The following NAV2 variants were observed in gnomAD, a reference collection of about 807,000 sequenced individuals.
NAV2 encodes the protein helicase, APC down-regulated 1.
NAV2 carries 54 observed loss-of-function variants against 223.2 expected under a neutral mutation model. That is an observed-to-expected ratio of 0.24 (90% confidence interval 0.19 to 0.30). The LOEUF is 0.30. NAV2 is among the 10% of genes least tolerant of loss of function. The pLI is 1.00. For synonymous variants in NAV2, 1,279 were observed against 1,239.3 expected, an observed-to-expected ratio of 1.03 and a Z score of -0.67; for missense variants, 2,806 against 3,147.5, an observed-to-expected ratio of 0.89 and a Z score of 2.60.
chr11:19,888,852 T>A (rs137862212), intron 5 of NAV2, among the ~76,000 whole-genome samples: 23 of 152,310 alleles, frequency 1.5e-4, no homozygotes, highest in African/African-American at 5.3e-4. Flanking sequence ...TGGGGTCTTT[T>A]ACACACTACC....
intron 1 of NAV2, among the ~76,000 whole-genome samples, chr11:19,368,897 C>T (rs961309004): frequency 4.6e-5 from 7 of 152,168 alleles, no homozygotes; most frequent in African/African-American, 1.7e-4. Context: ...CTCAGATTAA[C>T]GTTCAAGTCC....
At chr11:19,746,182 T>G (rs1267980722) in intron 1 of NAV2, among the ~76,000 whole-genome samples, 2 of 152,202 alleles carry the variant, frequency 1.3e-5, no homozygotes, top group Admixed American at 1.3e-4. Flanking sequence ...AGTTAGGTTC[T>G]GCTGGATCTC....
intron 11 of NAV2, among the ~76,000 whole-genome samples, chr11:20,013,128 A>C (rs564464350): frequency 2.0e-5 from 3 of 152,212 alleles, no homozygotes; most frequent in Non-Finnish European, 2.9e-5. Context: ...TTTTTTGGCT[A>C]TGTGACCTTG....
chr11:19,829,644 C>T (rs1358448206), intron 1 of NAV2, among the ~76,000 whole-genome samples: 2 of 152,134 alleles, frequency 1.3e-5, no homozygotes, highest in Non-Finnish European at 2.9e-5. Flanking sequence ...GGCCAGAGGG[C>T]ACAGAGGGAA....
At chr11:19,786,852 T>C (rs1565314839) in intron 1 of NAV2, among the ~76,000 whole-genome samples, 1 of 152,012 alleles carries the variant, frequency 6.6e-6, no homozygotes, top group Non-Finnish European at 1.5e-5. Flanking sequence ...AAGGTGGGTG[T>C]GGTAGCGTGC....
chr11:19,586,945 C>G (rs1430057520), intron 1 of NAV2, among the ~76,000 whole-genome samples: 1 of 152,220 alleles, frequency 6.6e-6, no homozygotes, highest in Non-Finnish European at 1.5e-5. Flanking sequence ...GTTTCTGCTG[C>G]CTTTTGTTTG....
intron 10 of NAV2, among the ~76,000 whole-genome samples, chr11:19,959,046 G>A (rs1039055219): frequency 6.6e-6 from 1 of 152,166 alleles, no homozygotes; most frequent in Non-Finnish European, 1.5e-5. Flanking sequence ...GAGAAGATAA[G>A]GATGGCTCCC....
rs1023848479 is a variant in NAV2 at position 19,873,989 on chromosome 11, T to C, written c.511+4992T>C. ...CTCACACAACCATGGCTCAAAGGAA[T>C]TGAATAGGAGTTCTGCAGCTCTGTG... is the stretch of plus-strand genomic sequence containing the variant. On this transcript the variant is annotated intron_variant, in intron 4 of 37. Coordinates refer to ENST00000349880, the MANE Select transcript of NAV2 (RefSeq NM_145117.5). Among the ~76,000 whole-genome samples the C allele has an allele frequency of 2.2e-4, 33 of 152,172 alleles. 1 individual carries two copies. The highest frequency in any genetic ancestry group is 2.0e-3 in the Admixed American group (30 of 15,278).
rs535599495 is a variant in NAV2, at chr11:20,019,650, A to G, written c.2769-16309A>G. Among the ~76,000 whole-genome samples, 19 of 152,152 alleles carry G rather than the reference A, an allele frequency of 1.2e-4. No individual in the cohort carries two copies. The East Asian group carries it at 3.5e-3, about 28-fold the overall frequency. On this transcript the variant is annotated intron_variant, in intron 11 of 37. Coordinates refer to ENST00000349880, the MANE Select transcript of NAV2 (RefSeq NM_145117.5). Reference sequence around the variant, plus strand: ...AGGGGTCCAGGGATGGAGGCCCTGGAGTTCTGGAGAGGTGAAGAGGAGGGT... The same window carrying G: ...AGGGGTCCAGGGATGGAGGCCCTGGGGTTCTGGAGAGGTGAAGAGGAGGGT...
intron 1 of NAV2, among the ~76,000 whole-genome samples, chr11:19,373,336 G>T (rs1848533287): frequency 6.6e-6 from 1 of 152,122 alleles, no homozygotes; most frequent in African/African-American, 2.4e-5. Flanking sequence ...AGTCTGAGAG[G>T]CACTCCAAGG....
intron 1 of NAV2, among the ~76,000 whole-genome samples, chr11:19,439,177 C>T (rs937847834): frequency 6.6e-6 from 1 of 152,058 alleles, no homozygotes; most frequent in East Asian, 1.9e-4. Flanking sequence ...TCCTATGGCT[C>T]GGGAAGTTCC....
chr11:19,425,678 A>G (rs1028426111), intron 1 of NAV2, among the ~76,000 whole-genome samples: 4 of 152,218 alleles, frequency 2.6e-5, no homozygotes, highest in Non-Finnish European at 4.4e-5. Context: ...AAATTTGGGG[A>G]CAGGGATGAT....
Position 20,029,290 on chromosome 11 carries a change from A to T in NAV2, c.2769-6669A>T, listed in dbSNP as rs74620430. Among the ~76,000 whole-genome samples, 1,191 of 152,284 alleles carry T rather than the reference A, an allele frequency of 7.8e-3. 13 individuals carry two copies. Among genetic ancestry groups the T allele is most frequent in the African/African-American group, 0.027 (1,138 of 41,546 alleles). The stretch of plus-strand genomic sequence containing the variant: ...TCTTGTCTGAACCCTCACGGGTGGT[A>T]GTTCTGTGGAAGCCTGGAGCAAAGG... On this transcript the variant is annotated intron_variant, in intron 11 of 37. Transcript: ENST00000349880.
intron 1 of NAV2, among the ~76,000 whole-genome samples, chr11:19,497,695 G>A (rs2042841333): frequency 6.6e-6 from 1 of 152,102 alleles, no homozygotes. Context: ...ACCTACAGGT[G>A]AGCCCGCCAC....
intron 1 of NAV2, among the ~76,000 whole-genome samples, chr11:19,578,172 C>T (rs909042349): frequency 6.6e-6 from 1 of 152,210 alleles, no homozygotes; most frequent in Non-Finnish European, 1.5e-5. Context: ...CATGCATCTC[C>T]AGTGCAGAGT....
chr11:20,003,245 T>A (rs1341695021), intron 11 of NAV2, among the ~76,000 whole-genome samples: 7 of 152,166 alleles, frequency 4.6e-5, no homozygotes, highest in Admixed American at 3.9e-4. Context: ...TTAACTTACA[T>A]CATAACCTGG....
At chr11:19,963,164 G>A (rs2048476360) in intron 10 of NAV2, among the ~76,000 whole-genome samples, 1 of 152,202 alleles carries the variant, frequency 6.6e-6, no homozygotes, top group South Asian at 2.1e-4. Context: ...AACTGCTTTG[G>A]AGAGTTTATT....
chr11:19,531,486 T>C (rs1383985370), intron 1 of NAV2, among the ~76,000 whole-genome samples: 2 of 152,174 alleles, frequency 1.3e-5, no homozygotes, highest in African/African-American at 4.8e-5. Flanking sequence ...TAGGAAATGA[T>C]TGGACTCAGA....
chr11:19,821,081 T>A (rs2059348167), intron 1 of NAV2, among the ~76,000 whole-genome samples: 1 of 151,994 alleles, frequency 6.6e-6, no homozygotes, highest in Non-Finnish European at 1.5e-5. Flanking sequence ...GCTAACACGG[T>A]GAAACCCCGT....
Sources: allele counts gnomAD v4.1 joint callset (sites outside exome capture counted in the v4.1 genomes callset), GRCh38; gene constraint gnomAD v4.1.1; transcripts MANE v1.5; gene names NCBI Gene and HGNC (gene_info 2026-07-23, HGNC 2026-07-21).